The following RBFOX3 variants were observed in gnomAD, a reference collection of about 807,000 sequenced individuals.
RBFOX3 encodes the protein RNA binding fox-1 homolog 3.
In RBFOX3, 17 loss-of-function variants were observed where a neutral mutation model predicts 48.7. That is an observed-to-expected ratio of 0.35 (90% CI 0.24 to 0.52). The LOEUF (loss-of-function observed/expected upper bound fraction) is 0.52. Ranked by LOEUF, RBFOX3 falls within the 20% of genes least tolerant of loss-of-function variation. The pLI, the probability that RBFOX3 is intolerant of heterozygous loss-of-function variation, is 0.94. For synonymous variants in RBFOX3, 212 were observed against 209.5 expected (o/e 1.01, Z -0.10); for missense variants, 382 against 497.5 (o/e 0.77, Z 2.21).
At chr17:79,283,570 C>T (rs117989993) in intron 3 of RBFOX3, among the ~76,000 whole-genome samples, 5,628 of 152,286 alleles carry the variant, frequency 0.037, 145 homozygotes, top group Non-Finnish European at 0.05. Context: ...CATGTGAATT[C>T]GGTCTAGATT....
rs754425963 is a variant in RBFOX3 at position 79,095,530 on chromosome 17, C to A, written c.981G>T (p.Ala327=). 5 of 1,551,136 alleles carry A rather than the reference C, an allele frequency of 3.2e-6. No individual in the cohort carries two copies. In the African/African-American group the frequency reaches 6.8e-5, roughly 21 times the overall value. The change falls in exon 13 of 15, where the codon GCG becomes GCT. Residue 327 remains alanine (A), a synonymous_variant. Transcript: ENST00000693108. The part of the protein sequence containing the change: ...AYRYAQPAAA[A]AAYSDSYGRV... ...GGCCTCACCTGTCGCTGTAGGCTGC[C>A]GCCGCTGCAGCGGGCTGAGCGTATC...
the RBFOX3 span, among the ~76,000 whole-genome samples, chr17:79,620,000 CACATGCACAT>C: frequency 4.6e-5 from 7 of 151,500 alleles, no homozygotes; most frequent in East Asian, 1.2e-3. Context: ...CACATGCACA[CACATGCACAT>C]GCACACACAC....
chr17:79,174,881 G>A (rs961453771), intron 4 of RBFOX3, among the ~76,000 whole-genome samples: 1 of 152,244 alleles, frequency 6.6e-6, no homozygotes, highest in Non-Finnish European at 1.5e-5. Flanking sequence ...TCCCCTTGCA[G>A]GGTACAGCCA....
At chr17:79,348,694 C>T (rs1436211822) in intron 2 of RBFOX3, among the ~76,000 whole-genome samples, 1 of 146,974 alleles carries the variant, frequency 6.8e-6, no homozygotes, top group Non-Finnish European at 1.5e-5. Flanking sequence ...GATTCTCCTG[C>T]CTCAGCTTCT....
intron 2 of RBFOX3, among the ~76,000 whole-genome samples, chr17:79,460,833 G>A (rs143369562): frequency 6.6e-6 from 1 of 152,240 alleles, no homozygotes; most frequent in African/African-American, 2.4e-5. Flanking sequence ...CCATGTTCTT[G>A]GCCTTCCCAA....
intron 4 of RBFOX3, among the ~76,000 whole-genome samples, chr17:79,158,590 C>T (rs2046316050): frequency 6.6e-6 from 1 of 152,248 alleles, no homozygotes; most frequent in Non-Finnish European, 1.5e-5. Flanking sequence ...CCAAACGGAG[C>T]AGAGGCAGGC....
rs1182954931 is a variant in RBFOX3, at chr17:79,512,603, T to C, written c.-319-30005A>G. ...CATGTTACCATCGGGTACAGCCCCA[T>C]GGCCAGGGGACGCACACCCGGATAC... is the stretch of plus-strand genomic sequence containing the variant. On this transcript the variant is annotated intron_variant, in intron 1 of 14. Transcript: ENST00000693108. Among the ~76,000 whole-genome samples, 39 of 148,826 alleles carry C rather than the reference T, an allele frequency of 2.6e-4. 1 individual carries two copies. Among genetic ancestry groups the C allele is most frequent in the African/African-American group, 9.8e-4 (39 of 39,966 alleles).
chr17:79,625,337 CA>C, the RBFOX3 span, among the ~76,000 whole-genome samples: 1 of 152,198 alleles, frequency 6.6e-6, no homozygotes, highest in Non-Finnish European at 1.5e-5. Flanking sequence ...TTGCCTGCAC[CA>C]AAGGTTCACT....
chr17:79,124,388 C>T (rs1218710402), intron 4 of RBFOX3, among the ~76,000 whole-genome samples: 1 of 152,178 alleles, frequency 6.6e-6, no homozygotes, highest in African/African-American at 2.4e-5. Flanking sequence ...AAAGACTGCA[C>T]TCGACATTTT....
In RBFOX3 at chr17:79,576,213, C is replaced by T. The variant is rs1008724016; in HGVS notation, c.-320+34613G>A. On this transcript the variant is annotated intron_variant, in intron 1 of 14. Coordinates refer to ENST00000693108, the MANE Select transcript of RBFOX3 (RefSeq NM_001350451.2). Reference sequence around the variant, plus strand: ...AGACTGAAGCACAAATCCTGCCTGTCCTAGGAATTTCAGACTTGCCAACAC... The same window carrying T: ...AGACTGAAGCACAAATCCTGCCTGTTCTAGGAATTTCAGACTTGCCAACAC... Among the ~76,000 whole-genome samples, 129 of 152,296 alleles carry T rather than the reference C, an allele frequency of 8.5e-4. 4 individuals carry two copies. The South Asian group carries it at 0.019, about 23-fold the overall frequency.
intron 2 of RBFOX3, among the ~76,000 whole-genome samples, chr17:79,449,252 T>A (rs1300750481): frequency 5.3e-5 from 8 of 152,066 alleles, no homozygotes; most frequent in Non-Finnish European, 8.8e-5. Context: ...AGAAGCTACA[T>A]GAAACATAAG....
At chr17:79,342,953 GGAGA>G (rs1452000008) in intron 2 of RBFOX3, among the ~76,000 whole-genome samples, 1 of 151,036 alleles carries the variant, frequency 6.6e-6, no homozygotes, top group African/African-American at 2.4e-5. Flanking sequence ...CACAGTGGGG[GGAGA>G]GAGAAAGAGA....
chr17:79,209,409 A>G (rs994755503), intron 4 of RBFOX3, among the ~76,000 whole-genome samples: 6 of 152,256 alleles, frequency 3.9e-5, no homozygotes, highest in Admixed American at 3.3e-4. Flanking sequence ...GGCAGGCAGG[A>G]CAGAGGCACT....
At chr17:79,519,162 A>T (rs2085690068) in intron 1 of RBFOX3, among the ~76,000 whole-genome samples, 1 of 152,232 alleles carries the variant, frequency 6.6e-6, no homozygotes, top group South Asian at 2.1e-4. Context: ...ATCGGAAGAA[A>T]CAAAGGCCAG....
intron 4 of RBFOX3, among the ~76,000 whole-genome samples, chr17:79,149,126 A>G (rs574581130): frequency 6.6e-6 from 1 of 152,200 alleles, no homozygotes; most frequent in Non-Finnish European, 1.5e-5. Flanking sequence ...AGGCTCCCGC[A>G]GCACCCAGGC....
chr17:79,223,515 T>C (rs2059965561), intron 4 of RBFOX3, among the ~76,000 whole-genome samples: 1 of 152,234 alleles, frequency 6.6e-6, no homozygotes, highest in African/African-American at 2.4e-5. Flanking sequence ...CCTGGAGGTC[T>C]TGGGCTTGTC....
intron 3 of RBFOX3, among the ~76,000 whole-genome samples, chr17:79,303,223 G>A (rs762764611): frequency 2.0e-5 from 3 of 152,132 alleles, no homozygotes; most frequent in African/African-American, 7.2e-5. Flanking sequence ...GTCCATTTAT[G>A]CTATGATTTT....
intron 4 of RBFOX3, among the ~76,000 whole-genome samples, chr17:79,167,630 C>T (rs1247958958): frequency 6.6e-6 from 1 of 152,210 alleles, no homozygotes; most frequent in Non-Finnish European, 1.5e-5. Flanking sequence ...CTCACAGCCC[C>T]GGCCGCAGTC....
intron 1 of RBFOX3, among the ~76,000 whole-genome samples, chr17:79,556,810 C>T (rs1233322178): frequency 6.6e-6 from 1 of 152,154 alleles, no homozygotes; most frequent in East Asian, 1.9e-4. Context: ...CAGAGTCCAC[C>T]GAAGGGGAGC....
Sources: allele counts gnomAD v4.1 joint callset (sites outside exome capture counted in the v4.1 genomes callset), GRCh38; gene constraint gnomAD v4.1.1; transcripts MANE v1.5; gene names NCBI Gene and HGNC (gene_info 2026-07-23, HGNC 2026-07-21).